SORCS3: variants seen among roughly 807,000 people sequenced by gnomAD.
SORCS3 encodes the protein VPS10 domain-containing receptor SorCS3.
Under a neutral mutation model 146.3 loss-of-function variants are expected in SORCS3, and 57 were observed. The observed-to-expected ratio is 0.39, with a 90% CI of 0.31 to 0.49. SORCS3 has a LOEUF of 0.49. SORCS3 is among the 20% of genes least tolerant of loss of function. The pLI is 0.92. For missense variants in SORCS3, 1,341 were observed against 1,575.5 expected, an observed-to-expected ratio of 0.85 and a Z score of 2.52; for synonymous variants, 653 against 618.5, an observed-to-expected ratio of 1.06 and a Z score of -0.83.
intron 8 of SORCS3, among the ~76,000 whole-genome samples, chr10:105,146,368 T>C (rs2056131230): frequency 6.6e-6 from 1 of 152,026 alleles, no homozygotes; most frequent in Non-Finnish European, 1.5e-5. Context: ...CTTTAAATTT[T>C]TTTTTAATTA....
At chr10:105,242,640 A>ATATATATTTATATATATT (rs2056837999) in intron 20 of SORCS3, among the ~76,000 whole-genome samples, 1 of 83,702 alleles carries the variant, frequency 1.2e-5, no homozygotes, top group Non-Finnish European at 2.1e-5. Flanking sequence ...ATATACATTT[A>ATATATATTTATATATATT]TATATATATT....
At chr10:104,756,847 A>T (rs1443894891) in intron 1 of SORCS3, among the ~76,000 whole-genome samples, 1 of 152,144 alleles carries the variant, frequency 6.6e-6, no homozygotes, top group Non-Finnish European at 1.5e-5. Context: ...GTGCTAGTGT[A>T]TGGGGAACAT....
chr10:104,939,071 A>G (rs1589557609), intron 3 of SORCS3, among the ~76,000 whole-genome samples: 1 of 152,320 alleles, frequency 6.6e-6, no homozygotes, highest in Middle Eastern at 3.4e-3. Flanking sequence ...CTCTCCTGTC[A>G]CTGCTATAGG....
At chr10:104,716,801 G>A (rs2016484714) in intron 1 of SORCS3, among the ~76,000 whole-genome samples, 1 of 152,116 alleles carries the variant, frequency 6.6e-6, no homozygotes, top group South Asian at 2.1e-4. Flanking sequence ...TCAGGTCAGT[G>A]GAGACAGATC....
At chr10:104,903,568 A>T (rs985197221) in intron 2 of SORCS3, among the ~76,000 whole-genome samples, 4 of 152,194 alleles carry the variant, frequency 2.6e-5, no homozygotes, top group African/African-American at 9.7e-5. Context: ...TAACAATAAT[A>T]AAAAAAGGCA....
At chr10:105,089,706 A>G in intron 5 of SORCS3, 69 bp from the exon 6 acceptor site, 1 of 1,245,166 alleles carries the variant, frequency 8.0e-7, no homozygotes, top group South Asian at 1.2e-5. Context: ...GTTGGCCCTG[A>G]GTGCATCCCA....
chr10:104,663,478 TCTC>T (rs1342427316), intron 1 of SORCS3, among the ~76,000 whole-genome samples: 1 of 152,126 alleles, frequency 6.6e-6, no homozygotes, highest in African/African-American at 2.4e-5. Flanking sequence ...TAGTTCAACT[TCTC>T]CTCCAAGGCA....
At chr10:104,726,434 A>T (rs941971180) in intron 1 of SORCS3, among the ~76,000 whole-genome samples, 3 of 152,174 alleles carry the variant, frequency 2.0e-5, no homozygotes, top group Non-Finnish European at 4.4e-5. Flanking sequence ...CTGTAGGCCA[A>T]CGTGGTGGGT....
At chr10:104,909,547 G>A (rs2018944411) in intron 2 of SORCS3, among the ~76,000 whole-genome samples, 2 of 152,096 alleles carry the variant, frequency 1.3e-5, no homozygotes, top group African/African-American at 2.4e-5. Flanking sequence ...CAGAGCTCAG[G>A]GGCAAGAAGA....
chr10:105,244,339 C>T (rs550930970), intron 20 of SORCS3, among the ~76,000 whole-genome samples: 2 of 152,010 alleles, frequency 1.3e-5, no homozygotes, highest in African/African-American at 4.8e-5. Flanking sequence ...TACAGGTCCA[C>T]TTATATGTGG....
chr10:105,198,701 C>G (rs1276766221), intron 14 of SORCS3, among the ~76,000 whole-genome samples: 1 of 152,162 alleles, frequency 6.6e-6, no homozygotes, highest in African/African-American at 2.4e-5. Context: ...ATTCTAGGCT[C>G]AGAGTTTCTC....
rs373822186 is a variant in SORCS3, at chr10:104,794,588, G to GGT, written c.628-48188_628-48187dup. On this transcript the variant is annotated intron_variant, in intron 1 of 26. Coordinates refer to ENST00000369701, the MANE Select transcript of SORCS3 (RefSeq NM_014978.3). ...CAAGGAGGGATATCAAGGTAGATAG[G>GGT]GTGTGTGTGTGTGTGTGAGAGAGAG... Among the ~76,000 whole-genome samples the GGT allele has an allele frequency of 2.2e-3, 297 of 134,012 alleles. 1 individual carries two copies. The highest frequency in any genetic ancestry group is 3.7e-3 in the Middle Eastern group (1 of 268). 87.9% of individuals were successfully genotyped at this position (134,012 alleles called of 152,430 possible).
Position 104,736,992 on chromosome 10 carries a change from C to T in SORCS3, c.627+95038C>T, listed in dbSNP as rs2016781905. Among the ~76,000 whole-genome samples, 6 of 152,032 alleles carry T rather than the reference C, an allele frequency of 3.9e-5. No individual in the cohort carries two copies. The South Asian group carries it at 1.3e-3, about 32-fold the overall frequency. Reference sequence around the variant, plus strand: ...TCCCCTTCCTGTGTCCATGTGTTCTCATTGTTCATTCCCATCTATGACTGA... The same window carrying T: ...TCCCCTTCCTGTGTCCATGTGTTCTTATTGTTCATTCCCATCTATGACTGA... On this transcript the variant is annotated intron_variant, in intron 1 of 26. Coordinates refer to ENST00000369701, the MANE Select transcript of SORCS3 (RefSeq NM_014978.3).
Position 104,795,943 on chromosome 10 carries a change from C to T in SORCS3, c.628-46849C>T, listed in dbSNP as rs114749441. ...AACTCTAGTTACCAACTTTAGCCTT[C>T]TCCATACTGTGAGTCATATGCCCCC... On this transcript the variant is annotated intron_variant, in intron 1 of 26. Transcript: ENST00000369701. 1.6e-3 allele frequency among the ~76,000 whole-genome samples: 245 copies of T among 152,332 alleles called. 2 individuals carry two copies. Among genetic ancestry groups the T allele is most frequent in the African/African-American group, 5.4e-3 (226 of 41,572 alleles).
At chr10:105,010,721 T>C (rs1018180577) in intron 4 of SORCS3, among the ~76,000 whole-genome samples, 19 of 56,366 alleles carry the variant, frequency 3.4e-4, no homozygotes, top group Admixed American at 2.4e-3. Flanking sequence ...GCATAGTTTC[T>C]TTTTTTTTTT....
chr10:105,112,150 C>A (rs2055862867), intron 7 of SORCS3, among the ~76,000 whole-genome samples: 2 of 152,140 alleles, frequency 1.3e-5, no homozygotes, highest in African/African-American at 4.8e-5. Context: ...TTTTTCATAT[C>A]CCTTTATGCT....
At chr10:104,930,276 T>G (rs2019194061) in intron 3 of SORCS3, among the ~76,000 whole-genome samples, 1 of 152,236 alleles carries the variant, frequency 6.6e-6, no homozygotes, top group African/African-American at 2.4e-5. Context: ...AGTTGGGCAG[T>G]GGCCAAGTCA....
At chr10:104,662,087 G>A (rs879476819) in intron 1 of SORCS3, among the ~76,000 whole-genome samples, 1 of 152,150 alleles carries the variant, frequency 6.6e-6, no homozygotes, top group Non-Finnish European at 1.5e-5. Flanking sequence ...AAGCTCACAT[G>A]GCTAATAAGC....
At chr10:104,664,443 T>G (rs1401464397) in intron 1 of SORCS3, among the ~76,000 whole-genome samples, 1 of 152,144 alleles carries the variant, frequency 6.6e-6, no homozygotes, top group Admixed American at 6.5e-5. Context: ...GAGCTCAAAT[T>G]GCCACCATTC....
Sources: gnomAD v4.1 joint callset for allele counts (sites outside exome capture counted in the v4.1 genomes callset) on GRCh38, gnomAD v4.1.1 for gene constraint, MANE v1.5 for transcripts, NCBI Gene and HGNC (gene_info 2026-07-23, HGNC 2026-07-21) for gene names.